ATXN2: variants seen among roughly 807,000 people sequenced by gnomAD.
ATXN2 encodes the protein ataxin-2.
Under a neutral mutation model 138.6 loss-of-function variants are expected in ATXN2, and 37 were observed. The ratio of observed to expected loss-of-function variants is 0.27; its 90% CI spans 0.21 to 0.35. The LOEUF is 0.35. Ranked by LOEUF, ATXN2 falls within the 10% of genes least tolerant of loss-of-function variation. The pLI, the probability that ATXN2 is intolerant of heterozygous loss-of-function variation, is 1.00. For synonymous variants in ATXN2, 549 were observed against 543.7 expected, an observed-to-expected ratio of 1.01 and a Z score of -0.13; for missense variants, 1,216 against 1,480.3, an observed-to-expected ratio of 0.82 and a Z score of 2.93.
At chr12:111,488,024 A>C (rs1274132654) in intron 15 of ATXN2, among the ~76,000 whole-genome samples, 2 of 152,166 alleles carry the variant, frequency 1.3e-5, no homozygotes, top group Non-Finnish European at 2.9e-5. Context: ...CTATCTTAAC[A>C]AATCTAAACA....
chr12:111,502,401 A>C (rs563550272), intron 14 of ATXN2, among the ~76,000 whole-genome samples: 1 of 152,030 alleles, frequency 6.6e-6, no homozygotes, highest in African/African-American at 2.4e-5. Flanking sequence ...TCTGCACTAT[A>C]CTAAATCTAA....
At position 111,552,637 on chromosome 12, in the gene ATXN2, T is replaced by A; in HGVS notation, c.421-207A>T. The A allele has an allele frequency of 1.7e-6, 1 of 598,536 alleles. No individual in the cohort carries two copies. Among genetic ancestry groups the A allele is most frequent in the South Asian group, 2.9e-5 (1 of 34,660 alleles). The allele number at this position is 598,536 out of a possible 1,614,324, so 37.1% of individuals were successfully genotyped here. Reference sequence around the variant, plus strand: ...TCTAAATGTTTTTTGTTTCTATGGTTTGTCTTAAGTACATTAATAATAATT... The same window carrying A: ...TCTAAATGTTTTTTGTTTCTATGGTATGTCTTAAGTACATTAATAATAATT... On this transcript the variant is annotated intron_variant, in intron 4 of 24. Coordinates refer to ENST00000673436, the MANE Select transcript of ATXN2 (RefSeq NM_001372574.1). The surrounding 1 kb of genome is among the most constrained non-coding windows in gnomAD (Gnocchi z 4.1).
At chr12:111,472,735 C>CT (rs1438299189) in intron 18 of ATXN2, among the ~76,000 whole-genome samples, 3 of 151,922 alleles carry the variant, frequency 2.0e-5, no homozygotes, top group East Asian at 1.9e-4. Flanking sequence ...CCAGCTAATA[C>CT]TTTTTTTAAA....
chr12:111,476,633 A>C (rs1299103583), intron 18 of ATXN2, among the ~76,000 whole-genome samples: 1 of 152,250 alleles, frequency 6.6e-6, no homozygotes, highest in Non-Finnish European at 1.5e-5. Context: ...AGTTTTTAAA[A>C]TATAACTCAC....
intron 21 of ATXN2, among the ~76,000 whole-genome samples, chr12:111,462,965 T>TACACACACAC (rs558178919): frequency 7.2e-6 from 1 of 139,720 alleles, no homozygotes; most frequent in African/African-American, 2.9e-5. Flanking sequence ...CACACATACA[T>TACACACACAC]ATATATATAT....
chr12:111,512,436 C>T (rs936220967), intron 11 of ATXN2: 2 of 150,388 alleles, frequency 1.3e-5, no homozygotes, highest in African/African-American at 4.9e-5. Context: ...ATCATGTCAA[C>T]GTCTAGTTTT....
intron 18 of ATXN2, among the ~76,000 whole-genome samples, chr12:111,476,649 C>A (rs998524892): frequency 6.6e-6 from 1 of 152,062 alleles, no homozygotes. Flanking sequence ...CTCACAACAG[C>A]ACAAAACAGA....
intron 1 of ATXN2, among the ~76,000 whole-genome samples, chr12:111,576,126 ATAACAT>A (rs1364334042): frequency 2.8e-4 from 39 of 140,502 alleles, no homozygotes; most frequent in African/African-American, 1.1e-3. Flanking sequence ...ATAACATAAC[ATAACAT>A]AACATCACAC....
chr12:111,552,243 A>G lies in ATXN2; in HGVS notation c.571+37T>C. Reference sequence around the variant, plus strand: ...GAAAATCTTTGCTTGAATAAATCTAATAAACCATGAGGCATATTTAGGAAA... The same window carrying G: ...GAAAATCTTTGCTTGAATAAATCTAGTAAACCATGAGGCATATTTAGGAAA... On this transcript the variant is annotated intron_variant, in intron 5 of 24. Coordinates refer to ENST00000673436, the MANE Select transcript of ATXN2 (RefSeq NM_001372574.1). The surrounding 1 kb of genome is among the most constrained non-coding windows in gnomAD (Gnocchi z 4.1). 1 of 1,536,896 alleles carries G rather than the reference A, an allele frequency of 6.5e-7. No homozygotes were observed. Among genetic ancestry groups the G allele is most frequent in the Non-Finnish European group, 8.7e-7 (1 of 1,147,432 alleles).
chr12:111,464,783 GT>G, intron 20 of ATXN2, 68 bp from the exon 21 acceptor site: 1 of 1,232,400 alleles, frequency 8.1e-7, no homozygotes, highest in Non-Finnish European at 1.2e-6. Flanking sequence ...TTCTGGAAAG[GT>G]TGACATATTA....
chr12:111,567,175 GC>G, intron 1 of ATXN2, among the ~76,000 whole-genome samples: 1 of 152,270 alleles, frequency 6.6e-6, no homozygotes, highest in East Asian at 1.9e-4. Context: ...GCTGCTGTGA[GC>G]ACTGTTGAAA....
intron 1 of ATXN2, among the ~76,000 whole-genome samples, chr12:111,566,491 A>T (rs2135806177): frequency 6.6e-6 from 1 of 152,154 alleles, no homozygotes; most frequent in South Asian, 2.1e-4. Flanking sequence ...TACTACTGCC[A>T]TTCATAGCCA....
At chr12:111,485,649 G>A in intron 17 of ATXN2, 64 bp downstream of exon 17, 1 of 1,576,038 alleles carries the variant, frequency 6.3e-7, no homozygotes, top group Non-Finnish European at 8.7e-7. Context: ...AAAACCTAAA[G>A]AGTGCTTGGT....
intron 1 of ATXN2, among the ~76,000 whole-genome samples, chr12:111,575,176 T>C (rs1338390146): frequency 6.6e-6 from 1 of 151,914 alleles, no homozygotes; most frequent in Non-Finnish European, 1.5e-5. Context: ...TGGCTGTCCC[T>C]GAAGCACTAA....
At position 111,470,037 on chromosome 12, in the gene ATXN2, G is replaced by T. The variant is rs928018071; in HGVS notation, c.2842+71C>A. ...TAAAAGGTCAGGTTATTCTTAGATA[G>T]AGTATGTTTTCAGAAACTTAAATTA... On this transcript the variant is annotated intron_variant, in intron 20 of 24. Coordinates refer to ENST00000673436, the MANE Select transcript of ATXN2 (RefSeq NM_001372574.1). 8.1e-6 allele frequency: 12 copies of T among 1,481,168 alleles called. No homozygotes were observed. In the African/African-American group the frequency reaches 1.7e-4, roughly 21 times the overall value. The allele number at this position is 1,481,168 out of a possible 1,614,324, so 91.8% of individuals were successfully genotyped here.
rs1884399295 is a variant in ATXN2 at position 111,587,345 on chromosome 12, A to G, written c.251+11439T>C. On this transcript the variant is annotated intron_variant, in intron 1 of 24. Coordinates refer to ENST00000673436, the MANE Select transcript of ATXN2 (RefSeq NM_001372574.1). ...TATTTTAACATGACTTTAAAAAGCAATATGAAAAACGTCAATGAAAAATAT... is the reference window on the plus strand; with the variant it reads ...TATTTTAACATGACTTTAAAAAGCAGTATGAAAAACGTCAATGAAAAATAT... Among the ~76,000 whole-genome samples, 3 of 152,304 alleles carry G rather than the reference A, an allele frequency of 2.0e-5. No individual in the cohort carries two copies. The South Asian group carries it at 6.2e-4, about 32-fold the overall frequency.
intron 1 of ATXN2, chr12:111,581,499 C>A: frequency 9.7e-7 from 1 of 1,027,526 alleles, no homozygotes; most frequent in Non-Finnish European, 1.5e-6. Flanking sequence ...CCTGCTCCCC[C>A]AATGTCCACC....
chr12:111,488,802 A>C, intron 14 of ATXN2, 22 bp from the exon 15 acceptor site: 1 of 1,543,630 alleles, frequency 6.5e-7, no homozygotes, highest in Non-Finnish European at 8.8e-7. Flanking sequence ...AAACAATTAT[A>C]CTTAAATATC....
At chr12:111,462,742 A>G (rs1177558431) in intron 21 of ATXN2, among the ~76,000 whole-genome samples, 1 of 152,166 alleles carries the variant, frequency 6.6e-6, no homozygotes, top group African/African-American at 2.4e-5. Flanking sequence ...AAACAACACC[A>G]AACTACTAAC....
Sources: gnomAD v4.1 joint callset for allele counts (sites outside exome capture counted in the v4.1 genomes callset) on GRCh38, gnomAD v4.1.1 for gene constraint, Gnocchi (gnomAD v3.1) non-coding constraint, MANE v1.5 for transcripts, NCBI Gene and HGNC (gene_info 2026-07-23, HGNC 2026-07-21) for gene names.